Variants in SOCS7 observed in about 807,000 individuals in gnomAD.
The protein encoded by SOCS7 is suppressor of cytokine signaling 7, also known as NAP-4.
A neutral mutation model predicts 58.9 loss-of-function variants in SOCS7; 18 were observed. The observed-to-expected ratio is 0.31, with a 90% CI of 0.21 to 0.45. The LOEUF (loss-of-function observed/expected upper bound fraction) is 0.45. Among genes scored for constraint, SOCS7 ranks in the 20% least tolerant of loss-of-function variants. The probability of loss-of-function intolerance (pLI) is 1.00; values close to 1 mark genes in which losing one functional copy is unlikely to be tolerated. For synonymous variants in SOCS7, 388 were observed against 364.3 expected (o/e 1.06, Z -0.74); for missense variants, 667 against 837.3 (o/e 0.80, Z 2.51).
intron 7 of SOCS7, among the ~76,000 whole-genome samples, chr17:38,389,170 T>C (rs945128295): frequency 2.0e-5 from 3 of 152,254 alleles, no homozygotes; most frequent in Non-Finnish European, 4.4e-5. Context: ...TAATGACTAA[T>C]GATGTTAACA....
rs2144420153 is a variant in SOCS7, at chr17:38,402,461, CGGT to C, written c.*2982_*2984del. ...ATGTATTCCTTTCTAGGTCTGGGCG[CGGT>C]GGCTCACGCCTGTAATCCCAGCACT... On this transcript the variant is annotated 3_prime_UTR_variant, in exon 10 of 10. Coordinates refer to ENST00000612932, the MANE Select transcript of SOCS7 (RefSeq NM_014598.4). 6.6e-6 allele frequency: 1 copy of C among 152,562 alleles called. No individual in the cohort carries two copies. Among genetic ancestry groups the C allele is most frequent in the African/African-American group, 2.4e-5 (1 of 41,550 alleles). 9.5% of individuals were successfully genotyped at this position (152,562 alleles called of 1,614,324 possible).
At chr17:38,366,796 CCT>C (rs964875406) in intron 5 of SOCS7, among the ~76,000 whole-genome samples, 2 of 152,138 alleles carry the variant, frequency 1.3e-5, no homozygotes, top group African/African-American at 2.4e-5. Flanking sequence ...ACACCCAGCC[CCT>C]GTTTATTGTT....
chr17:38,354,347 A>C (rs1051613851), intron 1 of SOCS7, among the ~76,000 whole-genome samples: 3 of 152,180 alleles, frequency 2.0e-5, no homozygotes, highest in African/African-American at 7.2e-5. Context: ...TGAAAAGCCT[A>C]AGAGTTTGAA....
At chr17:38,383,503 T>C (rs1167987120) in intron 7 of SOCS7, among the ~76,000 whole-genome samples, 1 of 152,156 alleles carries the variant, frequency 6.6e-6, no homozygotes, top group African/African-American at 2.4e-5. Context: ...TTTGTCGTTA[T>C]TTTATCTTAC....
chr17:38,387,831 G>A (rs563053075), intron 7 of SOCS7, among the ~76,000 whole-genome samples: 13 of 144,910 alleles, frequency 9.0e-5, no homozygotes, highest in African/African-American at 3.4e-4. Flanking sequence ...GTGCAGTGGC[G>A]TGATCTTGGC....
chr17:38,374,092 C>T (rs1162094513), intron 6 of SOCS7, among the ~76,000 whole-genome samples: 1 of 152,242 alleles, frequency 6.6e-6, no homozygotes, highest in East Asian at 1.9e-4. Context: ...TGGTGGCACG[C>T]GCCTGTGATC....
chr17:38,354,576 C>T (rs893482714), intron 1 of SOCS7, among the ~76,000 whole-genome samples: 2 of 152,178 alleles, frequency 1.3e-5, no homozygotes, highest in African/African-American at 4.8e-5. Flanking sequence ...GCCAGTGTTT[C>T]TGCTTTGCCT....
chr17:38,396,341 C>G (rs1014510863), intron 9 of SOCS7, among the ~76,000 whole-genome samples: 1 of 152,216 alleles, frequency 6.6e-6, no homozygotes, highest in African/African-American at 2.4e-5. Flanking sequence ...GCAGCCTCCT[C>G]TCATACAGAC....
In SOCS7 at chr17:38,365,151, T is replaced by G. The variant is rs41443453; in HGVS notation, c.1151-157T>G. Among the ~76,000 whole-genome samples, 520 of 152,234 alleles carry G rather than the reference T, an allele frequency of 3.4e-3. 1 individual carries two copies. Among genetic ancestry groups the G allele is most frequent in the Non-Finnish European group, 5.9e-3 (402 of 68,016 alleles). On this transcript the variant is annotated intron_variant, in intron 3 of 9. Transcript: ENST00000612932. The stretch of plus-strand genomic sequence containing the variant: ...CCTGCTTTCCAAAAGCAAAACAGAG[T>G]AAGATGATTGTTGCCCTCTGTGCAA...
At chr17:38,387,133 G>GTATATATA (rs1191192504) in intron 7 of SOCS7, among the ~76,000 whole-genome samples, 4 of 73,484 alleles carry the variant, frequency 5.4e-5, no homozygotes, top group African/African-American at 2.8e-4. Context: ...ATATATGTAT[G>GTATATATA]TATATATATA....
In SOCS7 at chr17:38,403,088, C is replaced by T. The variant is rs1033357330; in HGVS notation, c.*3606C>T. On this transcript the variant is annotated 3_prime_UTR_variant, in exon 10 of 10. Transcript: ENST00000612932. The stretch of plus-strand genomic sequence containing the variant: ...CCTTTGCCTGGTCACCTGCCTGTGC[C>T]TAGGCCAAGTGAATGTTACATCTTG... 2.6e-5 allele frequency: 4 copies of T among 152,164 alleles called. No individual in the cohort carries two copies. Among genetic ancestry groups the T allele is most frequent in the African/African-American group, 9.7e-5 (4 of 41,400 alleles). 9.4% of individuals were successfully genotyped at this position (152,164 alleles called of 1,614,324 possible). A position where few individuals can be genotyped will look rare whatever the true frequency, so the allele number is the denominator to read the frequency against.
At chr17:38,371,820 T>C (rs546780379) in intron 6 of SOCS7, among the ~76,000 whole-genome samples, 1 of 148,716 alleles carries the variant, frequency 6.7e-6, no homozygotes, top group African/African-American at 2.5e-5. Context: ...GTTTTTTGAG[T>C]TTTTTCTTGT....
At chr17:38,362,364 GGGT>G in intron 2 of SOCS7, among the ~76,000 whole-genome samples, 1 of 152,320 alleles carries the variant, frequency 6.6e-6, no homozygotes, top group South Asian at 2.1e-4. Flanking sequence ...TTTGGATGAT[GGGT>G]AACTGCCTTC....
At chr17:38,366,212 G>A in intron 4 of SOCS7, 75 bp from the exon 5 acceptor site, 1 of 1,571,596 alleles carries the variant, frequency 6.4e-7, no homozygotes, top group Non-Finnish European at 8.7e-7. Context: ...AGCATCCTCT[G>A]TTTTTGGGGG....
intron 9 of SOCS7, among the ~76,000 whole-genome samples, chr17:38,396,247 G>GATT (rs1245357889): frequency 2.0e-5 from 3 of 152,250 alleles, no homozygotes; most frequent in Non-Finnish European, 4.4e-5. Flanking sequence ...CACTGAATGT[G>GATT]AGCAAGGAGG....
intron 7 of SOCS7, among the ~76,000 whole-genome samples, chr17:38,390,451 C>T (rs1597710810): frequency 6.6e-6 from 1 of 152,152 alleles, no homozygotes; most frequent in East Asian, 1.9e-4. Context: ...GCAAAGAAGC[C>T]TACTGAGATT....
At chr17:38,368,082 C>T (rs1555568659) in intron 6 of SOCS7, 32 bp downstream of exon 6, 1 of 1,549,750 alleles carries the variant, frequency 6.5e-7, no homozygotes, top group Non-Finnish European at 8.8e-7. Context: ...GGCTTCTTCC[C>T]CCCTTGATTT....
chr17:38,378,535 G>T (rs575353244), intron 7 of SOCS7, among the ~76,000 whole-genome samples: 3 of 151,930 alleles, frequency 2.0e-5, no homozygotes, highest in Non-Finnish European at 4.4e-5. Context: ...AAAAAGTAAG[G>T]GCCAAATCCA....
At chr17:38,366,880 A>G (rs984077844) in intron 5 of SOCS7, among the ~76,000 whole-genome samples, 1 of 152,238 alleles carries the variant, frequency 6.6e-6, no homozygotes, top group African/African-American at 2.4e-5. Flanking sequence ...TATTAGTTCC[A>G]TGAGATGTAA....
Sources: gnomAD v4.1 joint callset for allele counts (sites outside exome capture counted in the v4.1 genomes callset) on GRCh38, gnomAD v4.1.1 for gene constraint, MANE v1.5 for transcripts, NCBI Gene and HGNC (gene_info 2026-07-23, HGNC 2026-07-21) for gene names.